The following PCDHGA12 variants were observed in gnomAD, a reference collection of about 807,000 sequenced individuals.
PCDHGA12 encodes protocadherin gamma-A12.
A neutral mutation model predicts 61.1 loss-of-function variants in PCDHGA12; 43 were observed. That is an observed-to-expected ratio of 0.70 (90% CI 0.55 to 0.91). The LOEUF (loss-of-function observed/expected upper bound fraction) is 0.91, where lower values mean the gene tolerates loss of function less well. Ranked by LOEUF, PCDHGA12 falls within the 40% of genes least tolerant of loss-of-function variation. The pLI, the probability that PCDHGA12 is intolerant of heterozygous loss-of-function variation, is 0.00. For missense variants in PCDHGA12, 1,236 were observed against 1,227.7 expected (o/e 1.01, Z -0.10); for synonymous variants, 520 against 542.9 (o/e 0.96, Z 0.59).
At chr5:141,438,997 C>T (rs2098080665) in intron 1 of PCDHGA12, among the ~76,000 whole-genome samples, 1 of 151,716 alleles carries the variant, frequency 6.6e-6, no homozygotes, top group Admixed American at 6.6e-5. Flanking sequence ...AGGCTAAGGA[C>T]CTGGTTTGTT....
At chr5:141,482,602 C>T (rs2099569087) in intron 1 of PCDHGA12, among the ~76,000 whole-genome samples, 1 of 142,506 alleles carries the variant, frequency 7.0e-6, no homozygotes, top group Non-Finnish European at 1.5e-5. Flanking sequence ...CGGGAAAAAA[C>T]ACCTAAATGA....
chr5:141,488,846 C>T (rs1359759383), intron 1 of PCDHGA12, among the ~76,000 whole-genome samples: 1 of 152,174 alleles, frequency 6.6e-6, no homozygotes, highest in African/African-American at 2.4e-5. Flanking sequence ...GCTGAATCAA[C>T]CTGCAGCACG....
intron 2 of PCDHGA12, among the ~76,000 whole-genome samples, chr5:141,501,009 C>T (rs2099804715): frequency 2.0e-5 from 3 of 152,040 alleles, no homozygotes; most frequent in Non-Finnish European, 4.4e-5. Context: ...GCTGGGACTA[C>T]AGGCACGCGC....
chr5:141,496,440 A>G (rs2099768848), intron 2 of PCDHGA12, among the ~76,000 whole-genome samples: 1 of 152,158 alleles, frequency 6.6e-6, no homozygotes, highest in South Asian at 2.1e-4. Flanking sequence ...AAGTTGCTAC[A>G]GATGCTGAGC....
rs551220443 is a variant in PCDHGA12, at chr5:141,432,206, G to A, written c.1447G>A (p.Glu483Lys). The change falls in exon 1 of 4, where the codon GAG (glutamate) becomes AAG (lysine). Residue 483 changes from glutamate (E) to lysine (K), a missense_variant. By Grantham distance (56) the Glu-to-Lys change is moderately conservative (BLOSUM62 1). Transcript: ENST00000252085. The surrounding 1 kb of genome is among the most constrained non-coding windows in gnomAD (Gnocchi z 6.0). ...SVTAHDPDCEENAQITYSLAE... is the reference protein window; with the variant it reads ...SVTAHDPDCEKNAQITYSLAE... ...GACCGCCCACGACCCCGACTGTGAA[G>A]AGAACGCCCAGATCACTTATTCCCT... The A allele has an allele frequency of 6.2e-7, 1 of 1,614,096 alleles. No individual in the cohort carries two copies. Among genetic ancestry groups the A allele is most frequent in the Non-Finnish European group, 8.5e-7 (1 of 1,180,042 alleles).
chr5:141,451,597 C>A (rs2098719892), intron 1 of PCDHGA12, among the ~76,000 whole-genome samples: 1 of 152,076 alleles, frequency 6.6e-6, no homozygotes, highest in Admixed American at 6.6e-5. Context: ...AAGTGACATA[C>A]AAGGCTAGGC....
Position 141,432,928 on chromosome 5 carries a change from C to T in PCDHGA12, c.2169C>T (p.Arg723=), listed in dbSNP as rs1443097611. ...GGCTGCGGCGCTGGCACAAGTCACG[C>T]CTGCTGCAGGCTTCAGGAGGCGGCT... The part of the protein sequence containing the change: ...ALRLRRWHKS[R]LLQASGGGLT... The change falls in exon 1 of 4, where the codon CGC becomes CGT. Residue 723 remains arginine (R), a synonymous_variant. Transcript: ENST00000252085. This position sits in a 1 kb window ranked among gnomAD's most constrained non-coding sequence, Gnocchi z 6.0. 1.2e-6 allele frequency: 2 copies of T among 1,614,066 alleles called. No homozygotes were observed. Among genetic ancestry groups the T allele is most frequent in the African/African-American group, 1.3e-5 (1 of 74,942 alleles).
chr5:141,481,913 CAAAAAAAA>C (rs34114744), intron 1 of PCDHGA12, among the ~76,000 whole-genome samples: 1 of 90,852 alleles, frequency 1.1e-5, no homozygotes, highest in African/African-American at 4.2e-5. Flanking sequence ...AACTCCATCT[CAAAAAAAA>C]AAAAAAAAAA....
At chr5:141,456,919 C>G (rs2098898169) in intron 1 of PCDHGA12, among the ~76,000 whole-genome samples, 1 of 152,124 alleles carries the variant, frequency 6.6e-6, no homozygotes, top group African/African-American at 2.4e-5. Flanking sequence ...GCCGAGATCG[C>G]ACCACTGCAC....
At chr5:141,460,341 C>T (rs557699438) in intron 1 of PCDHGA12, among the ~76,000 whole-genome samples, 39 of 152,110 alleles carry the variant, frequency 2.6e-4, no homozygotes, top group Admixed American at 2.4e-3. Flanking sequence ...ATGATTTTCT[C>T]CTATATTTTC....
intron 1 of PCDHGA12, among the ~76,000 whole-genome samples, chr5:141,458,500 T>G (rs2098947037): frequency 6.6e-6 from 1 of 151,442 alleles, no homozygotes; most frequent in Admixed American, 6.6e-5. Context: ...CTGTACATAC[T>G]GTTTGACACT....
chr5:141,497,125 G>A (rs968031174), intron 2 of PCDHGA12, among the ~76,000 whole-genome samples: 1 of 152,094 alleles, frequency 6.6e-6, no homozygotes, highest in South Asian at 2.1e-4. Context: ...GGCAGAGGTT[G>A]CAGTGAGCTG....
intron 1 of PCDHGA12, among the ~76,000 whole-genome samples, chr5:141,434,192 A>G (rs2097676888): frequency 6.6e-6 from 1 of 152,194 alleles, no homozygotes; most frequent in Non-Finnish European, 1.5e-5. Context: ...TGTAATTCCA[A>G]TGTACTTACT....
chr5:141,479,806 G>A (rs1188862048), intron 1 of PCDHGA12, among the ~76,000 whole-genome samples: 1 of 152,182 alleles, frequency 6.6e-6, no homozygotes, highest in Non-Finnish European at 1.5e-5. Context: ...AGGGTGGTAT[G>A]CAAGGATACT....
intron 1 of PCDHGA12, among the ~76,000 whole-genome samples, chr5:141,443,592 G>A (rs2098395439): frequency 6.6e-6 from 1 of 152,076 alleles, no homozygotes; most frequent in Admixed American, 6.6e-5. Context: ...AACAGAATGT[G>A]GTATATGAAA....
rs373867677 is a variant in PCDHGA12 at position 141,432,049 on chromosome 5, G to A, written c.1290G>A (p.Pro430=). The A allele has an allele frequency of 2.0e-5, 32 of 1,614,150 alleles. No individual in the cohort carries two copies. In the African/African-American group the frequency reaches 4.1e-4, roughly 21 times the overall value. ...TGACCGCCACTGACCGGGGAACCCC[G>A]CCCCTATCCACGGAAACTCATATCT... The part of the protein sequence containing the change: ...ITVTATDRGT[P]PLSTETHISL... The change falls in exon 1 of 4, where the codon CCG becomes CCA. Residue 430 remains proline, a synonymous_variant. Coordinates refer to ENST00000252085, the MANE Select transcript of PCDHGA12 (RefSeq NM_003735.3). The surrounding 1 kb of genome is among the most constrained non-coding windows in gnomAD (Gnocchi z 6.0).
chr5:141,507,781 C>A (rs2099863256), intron 3 of PCDHGA12, among the ~76,000 whole-genome samples: 1 of 152,214 alleles, frequency 6.6e-6, no homozygotes, highest in South Asian at 2.1e-4. Flanking sequence ...CAGGGCCTGA[C>A]CCTCGTCTAA....
intron 2 of PCDHGA12, 47 bp from the exon 3 acceptor site, chr5:141,505,346 C>G: frequency 4.3e-6 from 7 of 1,612,970 alleles, no homozygotes; most frequent in Non-Finnish European, 5.9e-6. Context: ...GGGGCATGAG[C>G]TGTGCCGGCC....
In PCDHGA12 at chr5:141,431,463, C is replaced by T. The variant is rs139195027; in HGVS notation, c.704C>T (p.Ala235Val). ...TARIRVMVLDANDNAPAFAQP... is the reference protein window; with the variant it reads ...TARIRVMVLDVNDNAPAFAQP... Reference sequence around the variant, plus strand: ...CGCATCCGCGTGATGGTTCTGGATGCGAACGACAACGCACCAGCGTTTGCT... The same window carrying T: ...CGCATCCGCGTGATGGTTCTGGATGTGAACGACAACGCACCAGCGTTTGCT... Residue 235 changes from alanine (A) to valine (V), a missense_variant, in exon 1 of 4, where the codon GCG (alanine) becomes GTG (valine). Transcript: ENST00000252085. The surrounding 1 kb of genome is among the most constrained non-coding windows in gnomAD (Gnocchi z 4.8). The T allele has an allele frequency of 3.5e-3, 5,640 of 1,613,740 alleles. 51 individuals are homozygous for T. Among genetic ancestry groups the T allele is most frequent in the South Asian group, 0.02 (1,825 of 91,088 alleles).
Sources: allele counts gnomAD v4.1 joint callset (sites outside exome capture counted in the v4.1 genomes callset), GRCh38; gene constraint gnomAD v4.1.1; non-coding constraint Gnocchi (gnomAD v3.1); transcripts MANE v1.5; gene names NCBI Gene and HGNC (gene_info 2026-07-23, HGNC 2026-07-21).